TTC27: variants seen among roughly 807,000 people sequenced by gnomAD.
TTC27 encodes the protein tetratricopeptide repeat protein 27.
TTC27 carries 79 observed loss-of-function variants against 115.9 expected under a neutral mutation model. The ratio of observed to expected loss-of-function variants is 0.68; its 90% CI spans 0.57 to 0.82. The LOEUF (loss-of-function observed/expected upper bound fraction) is 0.82, where lower values mean the gene tolerates loss of function less well. Ranked by LOEUF, TTC27 falls within the 40% of genes least tolerant of loss-of-function variation. The probability of loss-of-function intolerance (pLI) is 0.00; values close to 1 mark genes in which losing one functional copy is unlikely to be tolerated. For missense variants in TTC27, 1,054 were observed against 993.1 expected, an observed-to-expected ratio of 1.06 and a Z score of -0.82; for synonymous variants, 401 against 356.0, an observed-to-expected ratio of 1.13 and a Z score of -1.42.
In TTC27 at chr2:32,630,617, C is replaced by T. The variant is rs564963164; in HGVS notation, c.183C>T (p.Thr61=). The T allele has an allele frequency of 1.1e-5, 18 of 1,613,660 alleles. No individual in the cohort carries two copies. The highest frequency in any genetic ancestry group is 1.7e-4 in the Middle Eastern group (1 of 6,034). ...AAAATATTTTTAATTCAACAACAAC[C>T]GCTGAAGAAAAGATTGATAGCTACC... The part of the protein sequence containing the change: ...MTQNIFNSTT[T]AEEKIDSYLE... The change falls in exon 2 of 20, where the codon ACC becomes ACT. Residue 61 remains threonine, a synonymous_variant. Transcript: ENST00000317907.
chr2:32,642,618 C>A (rs1292204561), intron 4 of TTC27, among the ~76,000 whole-genome samples: 1 of 151,836 alleles, frequency 6.6e-6, no homozygotes, highest in Admixed American at 6.6e-5. Context: ...CTCATGAGAG[C>A]CAGAGGATTT....
chr2:32,714,552 A>T (rs1189156757), intron 10 of TTC27, among the ~76,000 whole-genome samples: 1 of 152,188 alleles, frequency 6.6e-6, no homozygotes, highest in African/African-American at 2.4e-5. Context: ...TAATGAACAT[A>T]CACACACATG....
At chr2:32,797,173 CAA>C (rs61136534) in intron 16 of TTC27, among the ~76,000 whole-genome samples, 26 of 80,490 alleles carry the variant, frequency 3.2e-4, no homozygotes, top group South Asian at 4.1e-4. Context: ...AACTCTGTCT[CAA>C]AAAAAAAAAA....
At chr2:32,698,174 C>G (rs1667056770) in intron 9 of TTC27, among the ~76,000 whole-genome samples, 1 of 152,106 alleles carries the variant, frequency 6.6e-6, no homozygotes, top group African/African-American at 2.4e-5. Flanking sequence ...CTCTGTTCAG[C>G]CCAGACTGGA....
chr2:32,778,103 G>A lies in TTC27; in HGVS notation c.1779+123G>A, dbSNP rs1411789748. 7.7e-6 allele frequency: 6 copies of A among 776,408 alleles called. No individual in the cohort carries two copies. The Admixed American group carries it at 1.1e-4, about 14-fold the overall frequency. The allele number at this position is 776,408 out of a possible 1,614,324, so 48.1% of individuals were successfully genotyped here. ...GAGGAAAGTGTACATTTGAGGGAAGGTCGTACCTCAAGGTATAGGATTTAT... is the reference window on the plus strand; with the variant it reads ...GAGGAAAGTGTACATTTGAGGGAAGATCGTACCTCAAGGTATAGGATTTAT... On this transcript the variant is annotated intron_variant, in intron 14 of 19. Transcript: ENST00000317907.
intron 7 of TTC27, among the ~76,000 whole-genome samples, chr2:32,668,947 CA>C (rs1665903692): frequency 6.6e-6 from 1 of 151,882 alleles, no homozygotes; most frequent in East Asian, 1.9e-4. Context: ...GGAGTGGTGG[CA>C]GGCGCCTGTA....
At chr2:32,634,140 G>A (rs143751633) in intron 3 of TTC27, 135 bp downstream of exon 3, 3 of 1,037,502 alleles carry the variant, frequency 2.9e-6, no homozygotes, top group South Asian at 4.0e-5. Flanking sequence ...AAGAATGCTT[G>A]TTCATTGATC....
In TTC27 at chr2:32,682,844, G is replaced by GTTTTTTTTTTTTTTTT. The variant is rs142030247; in HGVS notation, c.1119+3924_1119+3925insTTTTTTTTTTTTTTTT. ...CCACCACACCCGGATAATTTTTATTGTTGTTTTTTTTTTTTTTTTTTTTTT... is the reference window on the plus strand; with the variant it reads ...CCACCACACCCGGATAATTTTTATTGTTTTTTTTTTTTTTTTTTGTTTTTTTTTTTTTTTTTTTTTT... On this transcript the variant is annotated intron_variant, in intron 9 of 19. Transcript: ENST00000317907. 1.0e-3 allele frequency among the ~76,000 whole-genome samples: 57 copies of GTTTTTTTTTTTTTTTT among 56,978 alleles called. 12 individuals carry two copies. The highest frequency in any genetic ancestry group is 2.8e-3 in the South Asian group (3 of 1,070). 37.4% of individuals were successfully genotyped at this position (56,978 alleles called of 152,430 possible).
rs745633898 is a variant in TTC27 at position 32,640,253 on chromosome 2, T to C, written c.397-17T>C. On this transcript the variant is annotated splice_polypyrimidine_tract_variant and intron_variant, in intron 3 of 19. Coordinates refer to ENST00000317907, the MANE Select transcript of TTC27 (RefSeq NM_017735.5). ...TTTGTTAAATTATATCATCTTAGTT[T>C]ATAATCCTTTTTTCAGGTTAAAGGA... 27 of 1,606,678 alleles carry C rather than the reference T, an allele frequency of 1.7e-5. No individual in the cohort carries two copies. Among genetic ancestry groups the C allele is most frequent in the African/African-American group, 8.0e-5 (6 of 74,634 alleles).
chr2:32,699,244 T>C (rs1667101733), intron 9 of TTC27, among the ~76,000 whole-genome samples: 1 of 152,170 alleles, frequency 6.6e-6, no homozygotes, highest in South Asian at 2.1e-4. Flanking sequence ...GTCACTTAGA[T>C]GAGGTGGTTG....
rs779547700 is a variant in TTC27, at chr2:32,692,036, G to GTTTTTT, written c.1120-10750_1120-10745dup. On this transcript the variant is annotated intron_variant, in intron 9 of 19. Coordinates refer to ENST00000317907, the MANE Select transcript of TTC27 (RefSeq NM_017735.5). ...GGGATATTCTTTTTTAATTTTTTAG[G>GTTTTTT]TTTTTTTTTTTTTTTTTTTTTTTTT... 6.4e-3 allele frequency among the ~76,000 whole-genome samples: 390 copies of GTTTTTT among 61,198 alleles called. 62 individuals are homozygous for GTTTTTT. The highest frequency in any genetic ancestry group is 0.022 in the African/African-American group (365 of 16,386). 40.1% of individuals were successfully genotyped at this position (61,198 alleles called of 152,430 possible).
intron 9 of TTC27, among the ~76,000 whole-genome samples, chr2:32,695,529 G>A (rs558112051): frequency 1.3e-5 from 2 of 151,888 alleles, no homozygotes; most frequent in East Asian, 3.9e-4. Flanking sequence ...GACCAGCCTG[G>A]CCAATATGGT....
chr2:32,705,001 A>G (rs1156280311), intron 10 of TTC27: 1 of 459,308 alleles, frequency 2.2e-6, no homozygotes, highest in Non-Finnish European at 4.5e-6. Context: ...AGGAAGTGAT[A>G]TGGTTTGAGT....
chr2:32,672,915 A>G (rs1666062622), intron 8 of TTC27, among the ~76,000 whole-genome samples: 1 of 152,228 alleles, frequency 6.6e-6, no homozygotes. Context: ...TTATTTTTGT[A>G]CATAGTCACA....
intron 4 of TTC27, among the ~76,000 whole-genome samples, chr2:32,646,558 T>TG: frequency 4.3e-5 from 1 of 23,134 alleles, no homozygotes; most frequent in Non-Finnish European, 1.8e-4. Flanking sequence ...CTATATTTGG[T>TG]TTTTTTTTTT....
At chr2:32,668,485 GT>G (rs963086415) in intron 7 of TTC27, among the ~76,000 whole-genome samples, 19 of 148,722 alleles carry the variant, frequency 1.3e-4, no homozygotes, top group Admixed American at 1.2e-3. Context: ...AATTTTAATC[GT>G]TTTTTTGCTT....
intron 8 of TTC27, among the ~76,000 whole-genome samples, chr2:32,675,670 C>G (rs906620309): frequency 1.3e-5 from 2 of 152,060 alleles, no homozygotes; most frequent in African/African-American, 4.8e-5. Flanking sequence ...TAGTGATTTT[C>G]TTATATTGGC....
intron 16 of TTC27, 152 bp downstream of exon 16, chr2:32,787,301 A>T: frequency 2.4e-6 from 2 of 833,420 alleles, no homozygotes; most frequent in South Asian, 4.2e-5. Flanking sequence ...AATATTCTTC[A>T]TGATATATAG....
intron 13 of TTC27, among the ~76,000 whole-genome samples, chr2:32,775,800 T>TG (rs1390606581): frequency 6.6e-6 from 1 of 152,084 alleles, no homozygotes; most frequent in Non-Finnish European, 1.5e-5. Flanking sequence ...TGTTAAATGG[T>TG]GGGGAAAAAA....
Sources: allele counts gnomAD v4.1 joint callset (sites outside exome capture counted in the v4.1 genomes callset), GRCh38; gene constraint gnomAD v4.1.1; transcripts MANE v1.5; gene names NCBI Gene and HGNC (gene_info 2026-07-23, HGNC 2026-07-21).